CPED1: variants seen among roughly 807,000 people sequenced by gnomAD.
CPED1 encodes the protein cadherin-like and PC-esterase domain-containing protein 1.
CPED1 carries 114 observed loss-of-function variants against 128.2 expected under a neutral mutation model. The ratio of observed to expected loss-of-function variants is 0.89; its 90% confidence interval spans 0.76 to 1.04. The LOEUF (loss-of-function observed/expected upper bound fraction) is 1.04. CPED1 is among the 50% of genes least tolerant of loss of function. The probability of loss-of-function intolerance (pLI) is 0.00; values close to 1 mark genes in which losing one functional copy is unlikely to be tolerated. For missense variants in CPED1, 1,211 were observed against 1,207.1 expected, an observed-to-expected ratio of 1.00 and a Z score of -0.05; for synonymous variants, 462 against 426.7, an observed-to-expected ratio of 1.08 and a Z score of -1.02.
At chr7:121,259,471 C>CA (rs1186489809) in intron 18 of CPED1, among the ~76,000 whole-genome samples, 11 of 151,716 alleles carry the variant, frequency 7.3e-5, no homozygotes, top group African/African-American at 2.7e-4. Context: ...TGTATATGTA[C>CA]ATAGGTTTTG....
intron 2 of CPED1, among the ~76,000 whole-genome samples, chr7:120,990,840 T>TATTACCAAA (rs1182029652): frequency 1.3e-5 from 2 of 152,208 alleles, no homozygotes; most frequent in African/African-American, 4.8e-5. Context: ...TTGCTACCAT[T>TATTACCAAA]ATTACCAAAA....
chr7:121,089,940 A>G (rs1794533054), intron 5 of CPED1, among the ~76,000 whole-genome samples: 1 of 152,230 alleles, frequency 6.6e-6, no homozygotes, highest in Non-Finnish European at 1.5e-5. Context: ...CCATAAAGTA[A>G]TAAAACAATC....
chr7:121,157,247 G>A (rs1184582094), intron 16 of CPED1, among the ~76,000 whole-genome samples: 3 of 152,044 alleles, frequency 2.0e-5, no homozygotes, highest in Non-Finnish European at 2.9e-5. Context: ...TTTCTAGTGC[G>A]TGTATAGAAG....
At chr7:121,123,413 T>C (rs1343300390) in intron 7 of CPED1, among the ~76,000 whole-genome samples, 1 of 152,186 alleles carries the variant, frequency 6.6e-6, no homozygotes, top group Non-Finnish European at 1.5e-5. Context: ...TAGTCTGTTT[T>C]TCCAAAAAAC....
chr7:121,023,905 C>T (rs753435660), intron 3 of CPED1, among the ~76,000 whole-genome samples: 11 of 152,068 alleles, frequency 7.2e-5, no homozygotes, highest in Non-Finnish European at 1.5e-4. Flanking sequence ...TTTGCCTTGC[C>T]GGTGTTTTGC....
chr7:121,209,242 C>T (rs956203801), intron 16 of CPED1, among the ~76,000 whole-genome samples: 2 of 151,928 alleles, frequency 1.3e-5, no homozygotes, highest in African/African-American at 4.8e-5. Flanking sequence ...CGTGATTTCT[C>T]AGGTCATTGT....
intron 2 of CPED1, among the ~76,000 whole-genome samples, chr7:120,991,797 G>A (rs962945253): frequency 1.3e-5 from 2 of 152,132 alleles, no homozygotes; most frequent in African/African-American, 4.8e-5. Flanking sequence ...GTTTAAAAAT[G>A]ATTCACAGTC....
chr7:121,189,760 T>TA (rs1797086934), intron 16 of CPED1, among the ~76,000 whole-genome samples: 1 of 47,468 alleles, frequency 2.1e-5, no homozygotes, highest in Non-Finnish European at 3.9e-5. Context: ...TTATGAGGTT[T>TA]TATATATATA....
chr7:121,239,896 T>C (rs1275763227), intron 17 of CPED1, among the ~76,000 whole-genome samples: 1 of 152,200 alleles, frequency 6.6e-6, no homozygotes, highest in African/African-American at 2.4e-5. Context: ...ACTTCAGAAA[T>C]CACAGCTTTG....
intron 3 of CPED1, among the ~76,000 whole-genome samples, chr7:121,019,292 T>A (rs1254839852): frequency 6.6e-6 from 1 of 152,084 alleles, no homozygotes; most frequent in Non-Finnish European, 1.5e-5. Context: ...GCCCTAGTTC[T>A]TTTATCTGTT....
At chr7:121,223,353 G>A (rs1279461033) in intron 16 of CPED1, among the ~76,000 whole-genome samples, 1 of 152,120 alleles carries the variant, frequency 6.6e-6, no homozygotes. Context: ...GCTGGATTTG[G>A]TTTGCCAGTA....
rs116128525 is a variant in CPED1, at chr7:121,204,099, A to C, written c.2056-32615A>C. Reference sequence around the variant, plus strand: ...CCACATTTCAGAACCCTTGCAAGAGAACTGCCTACTCTAAAAACCTCTTTC... The same window carrying C: ...CCACATTTCAGAACCCTTGCAAGAGCACTGCCTACTCTAAAAACCTCTTTC... On this transcript the variant is annotated intron_variant, in intron 16 of 22. Transcript: ENST00000310396. 3.6e-3 allele frequency among the ~76,000 whole-genome samples: 543 copies of C among 152,204 alleles called. 3 individuals carry two copies. Among genetic ancestry groups the C allele is most frequent in the African/African-American group, 0.012 (515 of 41,556 alleles).
intron 13 of CPED1, among the ~76,000 whole-genome samples, chr7:121,134,797 A>G (rs1439627950): frequency 1.3e-5 from 2 of 152,096 alleles, no homozygotes; most frequent in African/African-American, 2.4e-5. Context: ...TGGTGGACGT[A>G]TAAATTAGAA....
chr7:121,127,098 G>A lies in CPED1; in HGVS notation c.1143G>A (p.Glu381=), dbSNP rs1336870848. ...FMYPVVLQVH[E]HLNFQDYDNM... The stretch of plus-strand genomic sequence containing the variant: ...CTTTTGTTCTTTCAAAGGTACACGA[G>A]CATTTAAATTTTCAAGATTATGATA... Residue 381 remains glutamate (E), a synonymous_variant, in exon 10 of 23, where the codon GAG becomes GAA. Transcript: ENST00000310396. 1.3e-6 allele frequency: 2 copies of A among 1,588,164 alleles called. No homozygotes were observed. Among genetic ancestry groups the A allele is most frequent in the Middle Eastern group, 1.7e-4 (1 of 5,866 alleles).
chr7:121,009,648 C>T (rs1324858390), intron 2 of CPED1, among the ~76,000 whole-genome samples: 1 of 145,230 alleles, frequency 6.9e-6, no homozygotes, highest in Non-Finnish European at 1.5e-5. Context: ...GGTGAAAAGA[C>T]TAATGACTAA....
intron 5 of CPED1, among the ~76,000 whole-genome samples, chr7:121,084,927 A>G (rs1335707250): frequency 6.6e-6 from 1 of 152,358 alleles, no homozygotes; most frequent in South Asian, 2.1e-4. Flanking sequence ...TCTATCTTGC[A>G]TAAGGCACAA....
intron 2 of CPED1, among the ~76,000 whole-genome samples, chr7:120,998,302 T>A (rs1212317180): frequency 6.6e-6 from 1 of 152,254 alleles, no homozygotes; most frequent in African/African-American, 2.4e-5. Flanking sequence ...AATAGTTAAG[T>A]ACATGAACAC....
chr7:121,154,884 A>G (rs766779913), intron 16 of CPED1, among the ~76,000 whole-genome samples: 2 of 152,216 alleles, frequency 1.3e-5, no homozygotes, highest in African/African-American at 2.4e-5. Flanking sequence ...TCAGCATTGA[A>G]ATAATACGGT....
chr7:121,069,196 C>A (rs953851314), intron 5 of CPED1, among the ~76,000 whole-genome samples: 2 of 152,124 alleles, frequency 1.3e-5, no homozygotes, highest in Non-Finnish European at 2.9e-5. Flanking sequence ...ATAGATAGAG[C>A]AGTGTCTCCA....
Sources: gnomAD v4.1 joint callset for allele counts (sites outside exome capture counted in the v4.1 genomes callset) on GRCh38, gnomAD v4.1.1 for gene constraint, MANE v1.5 for transcripts, NCBI Gene and HGNC (gene_info 2026-07-23, HGNC 2026-07-21) for gene names.